The following RBFOX1 variants were observed in gnomAD, a reference collection of about 807,000 sequenced individuals.
The protein encoded by RBFOX1 is RNA binding fox-1 homolog 1, also known as RNA binding protein fox-1 homolog 1.
In RBFOX1, 8 loss-of-function variants were observed where a neutral mutation model predicts 57.7. The observed-to-expected ratio is 0.14, with a 90% CI of 0.08 to 0.25. RBFOX1 has a LOEUF of 0.25. Among genes scored for constraint, RBFOX1 ranks in the 10% least tolerant of loss-of-function variants. The pLI, the probability that RBFOX1 is intolerant of heterozygous loss-of-function variation, is 1.00. For missense variants in RBFOX1, 611 were observed against 548.5 expected (o/e 1.11, Z -1.14); for synonymous variants, 326 against 222.4 (o/e 1.47, Z -4.15).
rs79097817 is a variant in RBFOX1, at chr16:7,444,904, C to T, written c.28-73243C>T. ...TGCAGATAGATAGACAGTTACTACG[C>T]GTAACAGCTTACCATGAATTCTAAG... is the stretch of plus-strand genomic sequence containing the variant. On this transcript the variant is annotated intron_variant, in intron 4 of 15. Transcript: ENST00000550418. Among the ~76,000 whole-genome samples, 495 of 152,222 alleles carry T rather than the reference C, an allele frequency of 3.3e-3. 2 individuals carry two copies. The highest frequency in any genetic ancestry group is 0.01 in the Middle Eastern group (3 of 292).
At chr16:7,517,687 G>T (rs2076665275) in intron 4 of RBFOX1, among the ~76,000 whole-genome samples, 1 of 151,990 alleles carries the variant, frequency 6.6e-6, no homozygotes. Flanking sequence ...TACATAAATT[G>T]TCTCTCCTCT....
intron 3 of RBFOX1, chr16:6,704,051 C>T (rs1055817745): frequency 3.3e-5 from 5 of 152,428 alleles, no homozygotes; most frequent in African/African-American, 9.6e-5. Context: ...CCCCCTCCTC[C>T]TCGAGCTCTT....
intron 1 of RBFOX1, among the ~76,000 whole-genome samples, chr16:5,458,463 G>C (rs1249218424): frequency 2.6e-5 from 4 of 152,198 alleles, no homozygotes; most frequent in African/African-American, 9.6e-5. Context: ...ATAATGTATT[G>C]TGCTGTGCAA....
intron 1 of RBFOX1, among the ~76,000 whole-genome samples, chr16:5,427,682 G>A (rs775996134): frequency 4.6e-5 from 7 of 152,160 alleles, no homozygotes; most frequent in Non-Finnish European, 8.8e-5. Context: ...ACAAGGTTAC[G>A]ATTCAAGCTC....
rs2095448682 is a variant in RBFOX1, at chr16:7,276,786, A to G, written c.27+224688A>G. Among the ~76,000 whole-genome samples, 2 of 152,232 alleles carry G rather than the reference A, an allele frequency of 1.3e-5. 1 individual carries two copies. Among genetic ancestry groups the G allele is most frequent in the Admixed American group, 1.3e-4 (2 of 15,286 alleles). On this transcript the variant is annotated intron_variant, in intron 4 of 15. Coordinates refer to ENST00000550418, the MANE Select transcript of RBFOX1 (RefSeq NM_018723.4). ...TACAAATCCTCATAAAATACTGATT[A>G]TGCTACCAAAAATGTTCTTAAGGAT...
rs933989386 is a variant in RBFOX1, at chr16:7,352,476, G to GTGGA, written c.28-165670_28-165669insGGAT. Among the ~76,000 whole-genome samples the GTGGA allele has an allele frequency of 3.2e-4, 48 of 152,090 alleles. 3 individuals are homozygous for GTGGA. The highest frequency in any genetic ancestry group is 9.9e-4 in the African/African-American group (41 of 41,440). ...AATGTCATCTGAAGACGTGGGGTGG[G>GTGGA]TAAGAATCTGTCACCACTAAACGCT... On this transcript the variant is annotated intron_variant, in intron 4 of 15. Transcript: ENST00000550418.
rs80037267 is a variant in RBFOX1, at chr16:6,066,638, C to G, written c.-127+46646C>G. Among the ~76,000 whole-genome samples the G allele has an allele frequency of 3.8e-3, 574 of 152,268 alleles. 2 individuals are homozygous for G. The highest frequency in any genetic ancestry group is 6.1e-3 in the Non-Finnish European group (415 of 68,024). ...AACTCATTATGCCAGAATTTGGATT[C>G]TCAGGATAGCTGAGCAGAAAGGGCA... On this transcript the variant is annotated intron_variant, in intron 1 of 15. Transcript: ENST00000550418.
chr16:6,252,987 T>A (rs530647770), intron 1 of RBFOX1, among the ~76,000 whole-genome samples: 2 of 152,268 alleles, frequency 1.3e-5, no homozygotes, highest in East Asian at 3.9e-4. Context: ...CTTCGTAATA[T>A]CTCTGTGAGG....
chr16:6,795,140 C>G (rs773025447), intron 3 of RBFOX1, among the ~76,000 whole-genome samples: 4 of 152,152 alleles, frequency 2.6e-5, no homozygotes, highest in Non-Finnish European at 5.9e-5. Context: ...AAGCCAAGTT[C>G]TGTTGATTCA....
Position 5,829,818 on chromosome 16 carries a change from A to T in RBFOX1, c.319-37485A>T, listed in dbSNP as rs532661264. 2.7e-3 allele frequency among the ~76,000 whole-genome samples: 411 copies of T among 152,356 alleles called. 3 individuals carry two copies. Among genetic ancestry groups the T allele is most frequent in the Middle Eastern group, 0.01 (3 of 294 alleles). ...GCAGCAACTACAGAATCAAAGAGAA[A>T]TTAGAACCTTTTGGAAAAGCCCTCA... On this transcript the variant is annotated intron_variant, in intron 3 of 19. Coordinates refer to the RBFOX1 transcript ENST00000641259.
chr16:6,756,342 A>G (rs2075783921), intron 3 of RBFOX1, among the ~76,000 whole-genome samples: 1 of 152,216 alleles, frequency 6.6e-6, no homozygotes, highest in Non-Finnish European at 1.5e-5. Context: ...TTAAAGATTG[A>G]AACCCAATAC....
chr16:7,099,008 G>A (rs949073738), intron 4 of RBFOX1, among the ~76,000 whole-genome samples: 2 of 152,086 alleles, frequency 1.3e-5, no homozygotes, highest in African/African-American at 4.8e-5. Flanking sequence ...CTTTTTGGTG[G>A]GTCAGTGTCC....
intron 2 of RBFOX1, among the ~76,000 whole-genome samples, chr16:6,469,791 A>C (rs811424): frequency 0.7 from 106,505 of 152,052 alleles, 37,428 homozygotes; most frequent in South Asian, 0.8. Context: ...CTCTGTATCC[A>C]AGAGTACCAT....
intron 14 of RBFOX1, among the ~76,000 whole-genome samples, chr16:7,691,912 C>G (rs2077431784): frequency 6.6e-6 from 1 of 152,108 alleles, no homozygotes; most frequent in African/African-American, 2.4e-5. Flanking sequence ...TAGGAGCATT[C>G]TGTAAATAGA....
At chr16:7,125,104 A>T (rs1446890729) in intron 4 of RBFOX1, among the ~76,000 whole-genome samples, 1 of 152,196 alleles carries the variant, frequency 6.6e-6, no homozygotes, top group African/African-American at 2.4e-5. Flanking sequence ...AGAAAAGCCA[A>T]AATGACAATA....
At chr16:7,133,751 C>A (rs541025563) in intron 4 of RBFOX1, among the ~76,000 whole-genome samples, 3 of 151,828 alleles carry the variant, frequency 2.0e-5, no homozygotes, top group Non-Finnish European at 4.4e-5. Flanking sequence ...AATAACACAT[C>A]ATTAAGAAAA....
At chr16:6,108,257 A>G (rs1418220131) in intron 1 of RBFOX1, among the ~76,000 whole-genome samples, 1 of 152,122 alleles carries the variant, frequency 6.6e-6, no homozygotes, top group African/African-American at 2.4e-5. Flanking sequence ...AGGGTAGTGT[A>G]GCAGAGTGGT....
Position 6,806,517 on chromosome 16 carries a change from G to C in RBFOX1, c.-16+151867G>C, listed in dbSNP as rs975878378. On this transcript the variant is annotated intron_variant, in intron 3 of 15. Transcript: ENST00000550418. ...TTCTGACCAGTAAATAAAAGCATTT[G>C]AATGAGTTCACCATCTTACATGGAT... Among the ~76,000 whole-genome samples the C allele has an allele frequency of 2.0e-5, 3 of 151,932 alleles. No individual in the cohort carries two copies. In the South Asian group the frequency reaches 6.2e-4, roughly 32 times the overall value.
intron 4 of RBFOX1, among the ~76,000 whole-genome samples, chr16:7,460,341 T>C (rs2059303823): frequency 7.1e-6 from 1 of 140,524 alleles, no homozygotes; most frequent in Non-Finnish European, 1.5e-5. Flanking sequence ...ATTGGCCAGA[T>C]TATATGATTT....
Sources: gnomAD v4.1 joint callset for allele counts (sites outside exome capture counted in the v4.1 genomes callset) on GRCh38, gnomAD v4.1.1 for gene constraint, MANE v1.5 for transcripts, NCBI Gene and HGNC (gene_info 2026-07-23, HGNC 2026-07-21) for gene names.